IQUB: variants seen among roughly 807,000 people sequenced by gnomAD.
The protein encoded by IQUB is IQ motif and ubiquitin-like domain-containing protein.
IQUB carries 86 observed loss-of-function variants against 86.4 expected under a neutral mutation model. The observed-to-expected ratio is 1.00, with a 90% CI of 0.84 to 1.19. The LOEUF is 1.19. Among genes scored for constraint, IQUB ranks in the 50% most tolerant of loss-of-function variants. The pLI, the probability that IQUB is intolerant of heterozygous loss-of-function variation, is 0.00. For synonymous variants in IQUB, 289 were observed against 304.5 expected (o/e 0.95, Z 0.53); for missense variants, 946 against 916.9 (o/e 1.03, Z -0.41).
intron 3 of IQUB, among the ~76,000 whole-genome samples, 176 bp downstream of exon 3, chr7:123,509,725 A>AT (rs1175412280): frequency 6.6e-6 from 1 of 152,194 alleles, no homozygotes; most frequent in African/African-American, 2.4e-5. Flanking sequence ...ATTTCTTAGC[A>AT]AAGTATCTAG....
At chr7:123,521,406 G>A (rs1045623269) in intron 1 of IQUB, among the ~76,000 whole-genome samples, 3 of 152,082 alleles carry the variant, frequency 2.0e-5, no homozygotes, top group Non-Finnish European at 2.9e-5. Flanking sequence ...ACTTTGGGAG[G>A]CCGAGGTGGT....
intron 6 of IQUB, among the ~76,000 whole-genome samples, chr7:123,499,197 G>A (rs1014786672): frequency 2.6e-5 from 4 of 151,592 alleles, no homozygotes; most frequent in Admixed American, 6.6e-5. Flanking sequence ...TGCAGCCTCC[G>A]CCTCCTGGGT....
At chr7:123,496,623 T>C in intron 7 of IQUB, 73 bp downstream of exon 7, 1 of 892,736 alleles carries the variant, frequency 1.1e-6, no homozygotes, top group Non-Finnish European at 1.6e-6. Flanking sequence ...CTTCCTTTTG[T>C]CTGCAGTAAA....
chr7:123,499,904 C>T (rs1795865766), intron 6 of IQUB, among the ~76,000 whole-genome samples: 1 of 152,114 alleles, frequency 6.6e-6, no homozygotes, highest in African/African-American at 2.4e-5. Context: ...TCATAAAGAC[C>T]TTGCTAATAA....
chr7:123,507,602 C>T (rs1796238980), intron 3 of IQUB, among the ~76,000 whole-genome samples: 1 of 152,084 alleles, frequency 6.6e-6, no homozygotes. Context: ...ACATGAGGGC[C>T]AGGTGCAGTG....
intron 3 of IQUB, among the ~76,000 whole-genome samples, chr7:123,506,947 A>G (rs1796206663): frequency 6.6e-6 from 1 of 152,184 alleles, no homozygotes; most frequent in South Asian, 2.1e-4. Flanking sequence ...TGGTGTATTC[A>G]GAAATTGACT....
Position 123,512,247 on chromosome 7 carries a change from G to A in IQUB, c.94C>T (p.Pro32Ser). The change falls in exon 2 of 13, where the codon CCC (proline) becomes TCC (serine). Residue 32 changes from proline (P) to serine (S), a missense_variant. By Grantham distance (74) the Pro-to-Ser change is moderately conservative (BLOSUM62 -1). Coordinates refer to ENST00000324698, the MANE Select transcript of IQUB (RefSeq NM_178827.5). ...TCTGACTCTTGAGGCTCTTCTGAGG[G>A]AACTGGAATAGTGACAGTATCAAAA... ...DAFDTVTIPV[P>S]SEEPQESDQT... 1 of 1,613,564 alleles carries A rather than the reference G, an allele frequency of 6.2e-7. No homozygotes were observed. The highest frequency in any genetic ancestry group is 1.3e-5 in the African/African-American group (1 of 75,018).
chr7:123,475,922 T>C (rs1379779800), intron 8 of IQUB, among the ~76,000 whole-genome samples: 2 of 152,232 alleles, frequency 1.3e-5, no homozygotes, highest in East Asian at 3.8e-4. Context: ...ATATTATAGC[T>C]TTCCTACAGT....
chr7:123,525,734 C>T (rs1440406101), intron 1 of IQUB, among the ~76,000 whole-genome samples: 2 of 151,786 alleles, frequency 1.3e-5, no homozygotes, highest in Non-Finnish European at 2.9e-5. Flanking sequence ...TATTTCTTGC[C>T]TTCTGCTAGC....
At chr7:123,482,114 G>C (rs2117088077) in intron 7 of IQUB, among the ~76,000 whole-genome samples, 1 of 152,062 alleles carries the variant, frequency 6.6e-6, no homozygotes, top group Middle Eastern at 3.4e-3. Flanking sequence ...TAGGTACAAG[G>C]TGATTTTATG....
At chr7:123,464,697 A>G (rs913141592) in intron 10 of IQUB, 136 bp downstream of exon 10, 136 of 506,648 alleles carry the variant, frequency 2.7e-4, no homozygotes, top group Non-Finnish European at 7.3e-5. Context: ...TATCATTCAA[A>G]GGAGATACTA....
At chr7:123,462,859 T>C (rs1387470279) in intron 10 of IQUB, 1 of 455,076 alleles carries the variant, frequency 2.2e-6, no homozygotes, top group East Asian at 7.0e-5. Flanking sequence ...AAAAAATAAC[T>C]CATTCTTATT....
chr7:123,512,099 T>C lies in IQUB; in HGVS notation c.242A>G (p.Glu81Gly). The change falls in exon 2 of 13, where the codon GAG (glutamate) becomes GGG (glycine). Residue 81 changes from glutamate to glycine, a missense_variant. By Grantham distance (98) the Glu-to-Gly change is moderately conservative (BLOSUM62 -2). Coordinates refer to ENST00000324698, the MANE Select transcript of IQUB (RefSeq NM_178827.5). ...TGAAACTTGTCTTGGTGATATAACC[T>C]CTTCCATGAGTTGTTCATTGTCTGG... ...LEPDNEQLME[E>G]VISPRQVSYT... 1 of 1,614,100 alleles carries C rather than the reference T, an allele frequency of 6.2e-7. No homozygotes were observed. Among genetic ancestry groups the C allele is most frequent in the Non-Finnish European group, 8.5e-7 (1 of 1,179,982 alleles).
chr7:123,488,577 G>T (rs1795320976), intron 7 of IQUB, among the ~76,000 whole-genome samples: 3 of 152,078 alleles, frequency 2.0e-5, no homozygotes, highest in Admixed American at 2.0e-4. Flanking sequence ...AAGAAAACGT[G>T]ACTGAGTCCC....
rs2117005324 is a variant in IQUB, at chr7:123,467,430, A to G, written c.1581+1784T>C. ...TCTTGCCTACAGATAGACAGCTACC[A>G]TCAGCTGAAAACAAACTGCCTCATC... On this transcript the variant is annotated intron_variant, in intron 9 of 12. Coordinates refer to ENST00000324698, the MANE Select transcript of IQUB (RefSeq NM_178827.5). Among the ~76,000 whole-genome samples, 2 of 152,174 alleles carry G rather than the reference A, an allele frequency of 1.3e-5. 1 individual carries two copies. The highest frequency in any genetic ancestry group is 6.8e-3 in the Middle Eastern group (2 of 294).
intron 7 of IQUB, among the ~76,000 whole-genome samples, chr7:123,489,346 C>T (rs1342031462): frequency 6.6e-6 from 1 of 152,058 alleles, no homozygotes; most frequent in Non-Finnish European, 1.5e-5. Context: ...AAGTGATGTG[C>T]AGGTTTTCCT....
chr7:123,520,492 C>G (rs116852684), intron 1 of IQUB, among the ~76,000 whole-genome samples: 1 of 152,074 alleles, frequency 6.6e-6, no homozygotes, highest in Non-Finnish European at 1.5e-5. Flanking sequence ...GAAGGAATGC[C>G]TCTCTGGTTG....
At chr7:123,531,126 A>C (rs1407468258) in intron 1 of IQUB, among the ~76,000 whole-genome samples, 1 of 152,192 alleles carries the variant, frequency 6.6e-6, no homozygotes, top group Non-Finnish European at 1.5e-5. Flanking sequence ...CACAAAGAAC[A>C]ATTAAGACTC....
At chr7:123,471,350 T>C (rs1794513674) in intron 8 of IQUB, among the ~76,000 whole-genome samples, 1 of 152,186 alleles carries the variant, frequency 6.6e-6, no homozygotes, top group African/African-American at 2.4e-5. Context: ...TTGATGCTTA[T>C]TTTAAAGCTC....
Sources: gnomAD v4.1 joint callset for allele counts (sites outside exome capture counted in the v4.1 genomes callset) on GRCh38, gnomAD v4.1.1 for gene constraint, MANE v1.5 for transcripts, NCBI Gene and HGNC (gene_info 2026-07-23, HGNC 2026-07-21) for gene names.